The following C2orf49 variants were observed in gnomAD, a reference collection of about 807,000 sequenced individuals.
C2orf49 encodes the protein tRNA-splicing ligase complex subunit ASW.
Under a neutral mutation model 20.6 loss-of-function variants are expected in C2orf49, and 11 were observed. The observed-to-expected ratio is 0.53, with a 90% CI of 0.34 to 0.88. The LOEUF (loss-of-function observed/expected upper bound fraction) is 0.88, where lower values mean the gene tolerates loss of function less well. C2orf49 is among the 40% of genes least tolerant of loss of function. C2orf49 has a pLI of 0.02. For missense variants in C2orf49, 289 were observed against 274.2 expected (o/e 1.05, Z -0.38); for synonymous variants, 134 against 108.5 (o/e 1.24, Z -1.46).
rs1679821367 is a variant in C2orf49, at chr2:105,346,695, A to G, written c.*1324A>G. On this transcript the variant is annotated 3_prime_UTR_variant, in exon 4 of 4. Transcript: ENST00000258457. Reference sequence around the variant, plus strand: ...GTCAGAAGTCACTGCAGAGTGCAACATAGGAAGATGGACTCCTAGCTTACA... The same window carrying G: ...GTCAGAAGTCACTGCAGAGTGCAACGTAGGAAGATGGACTCCTAGCTTACA... The G allele has an allele frequency of 6.6e-6, 1 of 152,226 alleles. No individual in the cohort carries two copies. Among genetic ancestry groups the G allele is most frequent in the Non-Finnish European group, 1.5e-5 (1 of 68,050 alleles). The allele number at this position is 152,226 out of a possible 1,614,324, so 9.4% of individuals were successfully genotyped here. A position where few individuals can be genotyped will look rare whatever the true frequency, so the allele number is the denominator to read the frequency against.
the C2orf49 span, among the ~76,000 whole-genome samples, chr2:105,355,274 C>T: frequency 6.6e-6 from 1 of 152,134 alleles, no homozygotes; most frequent in Non-Finnish European, 1.5e-5. Flanking sequence ...AGCCGACTCT[C>T]ATACAGACTT....
At chr2:105,362,045 C>T in the C2orf49 span, among the ~76,000 whole-genome samples, 1 of 152,188 alleles carries the variant, frequency 6.6e-6, no homozygotes, top group Non-Finnish European at 1.5e-5. Context: ...CTCAGTGCCA[C>T]AATAACCACA....
chr2:105,338,301 G>A (rs1558665167), intron 1 of C2orf49, among the ~76,000 whole-genome samples: 1 of 151,858 alleles, frequency 6.6e-6, no homozygotes, highest in South Asian at 2.1e-4. Context: ...AGTTTCCTTG[G>A]GGTTTATGTA....
In C2orf49 at chr2:105,347,229, CAG is replaced by C. The variant is rs1679837359; in HGVS notation, c.*1860_*1861del. ...AGTAAATTGTTATCTGCAGGGCTGA[CAG>C]ACATAATGTTGGTGGGCAACTGTGA... On this transcript the variant is annotated 3_prime_UTR_variant, in exon 4 of 4. Transcript: ENST00000258457. 6.6e-6 allele frequency: 1 copy of C among 152,160 alleles called. No homozygotes were observed. The highest frequency in any genetic ancestry group is 6.5e-5 in the Admixed American group (1 of 15,276). 9.4% of individuals were successfully genotyped at this position (152,160 alleles called of 1,614,324 possible). A position where few individuals can be genotyped will look rare whatever the true frequency, so the allele number is the denominator to read the frequency against.
At chr2:105,356,194 G>A in the C2orf49 span, among the ~76,000 whole-genome samples, 2 of 152,062 alleles carry the variant, frequency 1.3e-5, no homozygotes, top group African/African-American at 4.8e-5. Context: ...AGTTCAAGAC[G>A]AGCCTGGCCA....
rs184423452 is a variant in C2orf49 at position 105,347,526 on chromosome 2, T to G, written c.*2155T>G. On this transcript the variant is annotated 3_prime_UTR_variant, in exon 4 of 4. Coordinates refer to ENST00000258457, the MANE Select transcript of C2orf49 (RefSeq NM_024093.3). Reference sequence around the variant, plus strand: ...AACATTGTTGCTTCAAATTGAAGTTTATATTATGAACATTCAGAATCAATG... The same window carrying G: ...AACATTGTTGCTTCAAATTGAAGTTGATATTATGAACATTCAGAATCAATG... 32 of 152,374 alleles carry G rather than the reference T, an allele frequency of 2.1e-4. 1 individual carries two copies. The East Asian group carries it at 5.6e-3, about 27-fold the overall frequency. 9.4% of individuals were successfully genotyped at this position (152,374 alleles called of 1,614,324 possible).
chr2:105,353,837 G>C (rs2104463399), downstream of C2orf49, among the ~76,000 whole-genome samples: 1 of 152,332 alleles, frequency 6.6e-6, no homozygotes, highest in South Asian at 2.1e-4. Flanking sequence ...TGAGAATTGA[G>C]TATATATTTT....
At chr2:105,340,453 G>A (rs1415170417) in intron 2 of C2orf49, among the ~76,000 whole-genome samples, 3 of 152,132 alleles carry the variant, frequency 2.0e-5, no homozygotes, top group Non-Finnish European at 4.4e-5. Flanking sequence ...GGCAATAGAT[G>A]GCAGCAGCTT....
the C2orf49 span, chr2:105,360,580 TCTC>T: frequency 2.0e-5 from 3 of 152,282 alleles, no homozygotes; most frequent in South Asian, 4.1e-4. Flanking sequence ...ATGGTCTTGA[TCTC>T]CTGACCTCAT....
chr2:105,337,713 G>A, intron 1 of C2orf49, 27 bp downstream of exon 1: 1 of 354,058 alleles, frequency 2.8e-6, no homozygotes, highest in Non-Finnish European at 5.8e-6. Context: ...CGGAGGGTGG[G>A]CGGGTGGGCC....
At chr2:105,360,906 A>T in the C2orf49 span, 1 of 163,066 alleles carries the variant, frequency 6.1e-6, no homozygotes, top group African/African-American at 2.4e-5. Context: ...AGCTGTAAAT[A>T]ACAACTGGTC....
chr2:105,343,597 T>A (rs2104450421), intron 3 of C2orf49, among the ~76,000 whole-genome samples: 1 of 152,304 alleles, frequency 6.6e-6, no homozygotes, highest in South Asian at 2.1e-4. Context: ...ACACATTTAT[T>A]AAGTAGCATT....
chr2:105,337,726 C>A, intron 1 of C2orf49, 40 bp downstream of exon 1: 1 of 1,426,138 alleles, frequency 7.0e-7, no homozygotes, highest in South Asian at 1.4e-5. Context: ...GGTGGGCCTT[C>A]CCAGGTGAGG....
At chr2:105,343,315 A>T in intron 3 of C2orf49, 92 bp downstream of exon 3, 1 of 1,306,312 alleles carries the variant, frequency 7.7e-7, no homozygotes, top group East Asian at 2.3e-5. Flanking sequence ...ACTGTGCTAC[A>T]TTCTGTTCTT....
downstream of C2orf49, among the ~76,000 whole-genome samples, chr2:105,350,199 T>C (rs567505674): frequency 9.5e-4 from 145 of 152,258 alleles, 1 homozygote; most frequent in Non-Finnish European, 1.5e-3. Flanking sequence ...ATGGGAGTTG[T>C]ATAAAGCCAC....
In C2orf49 at chr2:105,342,830, G is replaced by T; in HGVS notation, c.267-18G>T. The T allele has an allele frequency of 1.3e-6, 2 of 1,593,088 alleles. No homozygotes were observed. The highest frequency in any genetic ancestry group is 1.7e-6 in the Non-Finnish European group (2 of 1,167,062). On this transcript the variant is annotated intron_variant, in intron 2 of 3. Transcript: ENST00000258457. ...GTTCCAGATGGTATTTTTCAAGAGTGCATCTCTTTGATTTCAGGAGTAGCA... is the reference window on the plus strand; with the variant it reads ...GTTCCAGATGGTATTTTTCAAGAGTTCATCTCTTTGATTTCAGGAGTAGCA...
chr2:105,344,815 C>T (rs772312110), intron 3 of C2orf49, among the ~76,000 whole-genome samples: 20 of 151,954 alleles, frequency 1.3e-4, no homozygotes, highest in Non-Finnish European at 2.5e-4. Context: ...GTCTCAAACT[C>T]CTGACCTCAA....
At chr2:105,372,180 G>C in the C2orf49 span, among the ~76,000 whole-genome samples, 2 of 152,122 alleles carry the variant, frequency 1.3e-5, no homozygotes, top group Non-Finnish European at 2.9e-5. Context: ...CCAAAGGTCA[G>C]ATTACCTCCT....
At chr2:105,376,299 G>A in the C2orf49 span, 4 of 152,158 alleles carry the variant, frequency 2.6e-5, no homozygotes, top group Non-Finnish European at 4.4e-5. Flanking sequence ...TCCTGGTCGG[G>A]TCTGTGTTAC....
Sources: allele counts gnomAD v4.1 joint callset (sites outside exome capture counted in the v4.1 genomes callset), GRCh38; gene constraint gnomAD v4.1.1; transcripts MANE v1.5; gene names NCBI Gene and HGNC (gene_info 2026-07-23, HGNC 2026-07-21).